CYP7B1: variants seen among roughly 807,000 people sequenced by gnomAD.
The protein encoded by CYP7B1 is cytochrome P450 family 7 subfamily B member 1, also known as cytochrome P450 7B1.
In CYP7B1, 29 loss-of-function variants were observed where a neutral mutation model predicts 42.7. The ratio of observed to expected loss-of-function variants is 0.68; its 90% CI spans 0.51 to 0.93. CYP7B1 has a LOEUF of 0.93. CYP7B1 is among the 40% of genes least tolerant of loss of function. The pLI is 0.00. For synonymous variants in CYP7B1, 235 were observed against 218.2 expected (o/e 1.08, Z -0.68); for missense variants, 655 against 600.5 (o/e 1.09, Z -0.95).
At chr8:64,713,392 A>G (rs186211148) in intron 1 of CYP7B1, among the ~76,000 whole-genome samples, 42 of 152,294 alleles carry the variant, frequency 2.8e-4, no homozygotes, top group African/African-American at 9.9e-4. Context: ...TCAATCTATC[A>G]ATAAAAGCAG....
chr8:64,656,227 C>G (rs549165032), intron 1 of CYP7B1, among the ~76,000 whole-genome samples: 8 of 152,096 alleles, frequency 5.3e-5, no homozygotes, highest in Non-Finnish European at 1.2e-4. Flanking sequence ...TAAAAACAAA[C>G]AAACAAACAA....
intron 1 of CYP7B1, among the ~76,000 whole-genome samples, chr8:64,762,475 A>T (rs1807904225): frequency 6.6e-6 from 1 of 152,232 alleles, no homozygotes; most frequent in Non-Finnish European, 1.5e-5. Context: ...ACAATGAGTT[A>T]TCAATACTTG....
intron 1 of CYP7B1, among the ~76,000 whole-genome samples, chr8:64,651,722 C>T (rs1806042063): frequency 6.6e-6 from 1 of 152,172 alleles, no homozygotes; most frequent in African/African-American, 2.4e-5. Flanking sequence ...TATGAGAAAA[C>T]AGTGAGAAAG....
chr8:64,623,493 T>C (rs1805561306), intron 2 of CYP7B1, among the ~76,000 whole-genome samples: 1 of 152,218 alleles, frequency 6.6e-6, no homozygotes, highest in South Asian at 2.1e-4. Context: ...CCAGACCAGT[T>C]GTTATTTTAA....
At chr8:64,662,888 A>T (rs1304545868) in intron 1 of CYP7B1, among the ~76,000 whole-genome samples, 1 of 152,134 alleles carries the variant, frequency 6.6e-6, no homozygotes, top group African/African-American at 2.4e-5. Flanking sequence ...ATTTTCCCTT[A>T]GGCTACTCTG....
At chr8:64,613,350 A>G (rs1240080368) in intron 4 of CYP7B1, among the ~76,000 whole-genome samples, 1 of 152,152 alleles carries the variant, frequency 6.6e-6, no homozygotes, top group Non-Finnish European at 1.5e-5. Context: ...TTAATACTGA[A>G]ATTTAAAAAT....
intron 1 of CYP7B1, among the ~76,000 whole-genome samples, chr8:64,796,267 A>C (rs543837706): frequency 6.6e-5 from 10 of 152,360 alleles, no homozygotes; most frequent in African/African-American, 2.4e-4. Context: ...GGTATGAAAG[A>C]GTATGAAAAT....
At chr8:64,768,701 T>C (rs779549165) in intron 1 of CYP7B1, among the ~76,000 whole-genome samples, 5 of 152,194 alleles carry the variant, frequency 3.3e-5, no homozygotes, top group Non-Finnish European at 5.9e-5. Context: ...ATGTGACCCA[T>C]AGCAGCAAAG....
chr8:64,665,291 T>C (rs1476673092), intron 1 of CYP7B1, among the ~76,000 whole-genome samples: 1 of 152,120 alleles, frequency 6.6e-6, no homozygotes, highest in East Asian at 1.9e-4. Flanking sequence ...CTATATGCAG[T>C]ATAAAGCACT....
chr8:64,751,003 C>T (rs1361416984), intron 1 of CYP7B1, among the ~76,000 whole-genome samples: 2 of 152,168 alleles, frequency 1.3e-5, no homozygotes, highest in East Asian at 1.9e-4. Context: ...ACATCAACTT[C>T]CCATGAATTT....
chr8:64,761,152 CAG>C (rs1305629198), intron 1 of CYP7B1, among the ~76,000 whole-genome samples: 1 of 151,960 alleles, frequency 6.6e-6, no homozygotes, highest in African/African-American at 2.4e-5. Flanking sequence ...CCTAGAGAAA[CAG>C]AGAGTAGAAT....
intron 1 of CYP7B1, among the ~76,000 whole-genome samples, chr8:64,764,229 G>GCCCCCCCCCCCCCCCCCCCTCCCCCC (rs59605103): frequency 8.0e-6 from 1 of 125,150 alleles, no homozygotes; most frequent in Admixed American, 8.8e-5. Context: ...CTTCCACGCT[G>GCCCCCCCCCCCCCCCCCCCTCCCCCC]CCCCCCCCAC....
Position 64,601,156 on chromosome 8 carries a change from G to T in CYP7B1, c.1233+3526C>A, listed in dbSNP as rs539109762. Among the ~76,000 whole-genome samples, 4 of 152,204 alleles carry T rather than the reference G, an allele frequency of 2.6e-5. No homozygotes were observed. In the East Asian group the frequency reaches 7.7e-4, roughly 29 times the overall value. ...GTACCACAATTCTTTTAGTGATTTA[G>T]AATTTTTTCAAGGGCTTTCAAATTT... On this transcript the variant is annotated intron_variant, in intron 5 of 5. Coordinates refer to ENST00000310193, the MANE Select transcript of CYP7B1 (RefSeq NM_004820.5).
intron 1 of CYP7B1, among the ~76,000 whole-genome samples, chr8:64,637,439 C>T (rs1288147478): frequency 6.6e-6 from 1 of 152,184 alleles, no homozygotes; most frequent in South Asian, 2.1e-4. Flanking sequence ...TCATGAGCTA[C>T]AGGGCTTTAC....
chr8:64,746,433 A>G (rs960135899), intron 1 of CYP7B1, among the ~76,000 whole-genome samples: 2 of 152,196 alleles, frequency 1.3e-5, no homozygotes, highest in African/African-American at 2.4e-5. Context: ...CTCATCACTC[A>G]TTTACAGAAT....
At chr8:64,644,271 C>CA (rs775932351) in intron 1 of CYP7B1, among the ~76,000 whole-genome samples, 10,056 of 94,458 alleles carry the variant, frequency 0.11, 425 homozygotes, top group East Asian at 0.21. Context: ...GACTCCATCT[C>CA]AAAAAAAAAA....
intron 1 of CYP7B1, among the ~76,000 whole-genome samples, chr8:64,625,605 TAATA>T (rs1380040741): frequency 6.6e-6 from 1 of 152,234 alleles, no homozygotes; most frequent in Non-Finnish European, 1.5e-5. Context: ...TAGTTTTGAC[TAATA>T]TTTATGTTAT....
intron 1 of CYP7B1, among the ~76,000 whole-genome samples, chr8:64,768,213 C>T (rs1804141354): frequency 6.6e-6 from 1 of 152,116 alleles, no homozygotes; most frequent in Non-Finnish European, 1.5e-5. Context: ...TAAAGAAATA[C>T]TCAAATCATA....
chr8:64,618,331 T>C (rs1471618874), intron 2 of CYP7B1, among the ~76,000 whole-genome samples: 2 of 152,120 alleles, frequency 1.3e-5, no homozygotes, highest in African/African-American at 4.8e-5. Flanking sequence ...TTATTTTAAA[T>C]TATTCCCTAA....
Sources: gnomAD v4.1 joint callset for allele counts (sites outside exome capture counted in the v4.1 genomes callset) on GRCh38, gnomAD v4.1.1 for gene constraint, MANE v1.5 for transcripts, NCBI Gene and HGNC (gene_info 2026-07-23, HGNC 2026-07-21) for gene names.